The following DYRK1A variants were observed in gnomAD, a reference collection of about 807,000 sequenced individuals.
DYRK1A encodes dual specificity tyrosine phosphorylation regulated kinase 1A.
In DYRK1A, 9 loss-of-function variants were observed where a neutral mutation model predicts 79.7. The ratio of observed to expected loss-of-function variants is 0.11; its 90% CI spans 0.07 to 0.20. The LOEUF (loss-of-function observed/expected upper bound fraction) is 0.20, where lower values mean the gene tolerates loss of function less well. Ranked by LOEUF, DYRK1A falls within the 10% of genes least tolerant of loss-of-function variation. The pLI, the probability that DYRK1A is intolerant of heterozygous loss-of-function variation, is 1.00. For synonymous variants in DYRK1A, 349 were observed against 329.7 expected, an observed-to-expected ratio of 1.06 and a Z score of -0.63; for missense variants, 622 against 956.0, an observed-to-expected ratio of 0.65 and a Z score of 4.61.
At chr21:37,449,609 G>A (rs112387139) in intron 2 of DYRK1A, among the ~76,000 whole-genome samples, 3 of 152,026 alleles carry the variant, frequency 2.0e-5, no homozygotes, top group African/African-American at 7.2e-5. Context: ...GTTGACTCAG[G>A]GAAAAAAATG....
intron 2 of DYRK1A, among the ~76,000 whole-genome samples, chr21:37,439,301 T>G (rs2051019101): frequency 6.6e-6 from 1 of 152,228 alleles, no homozygotes; most frequent in South Asian, 2.1e-4. Flanking sequence ...CGTTCTACAT[T>G]GGCTCCAACC....
chr21:37,500,344 C>A (rs145466580), intron 9 of DYRK1A, among the ~76,000 whole-genome samples: 190 of 152,136 alleles, frequency 1.2e-3, no homozygotes, highest in African/African-American at 4.2e-3. Context: ...TATACTATTC[C>A]CTTATATATA....
intron 9 of DYRK1A, 55 bp downstream of exon 9, chr21:37,496,313 G>A (rs2053268002): frequency 6.5e-7 from 1 of 1,532,540 alleles, no homozygotes; most frequent in African/African-American, 1.4e-5. Flanking sequence ...TATCATACCT[G>A]TCTTTTTATA....
At chr21:37,458,669 A>C (rs745406494) in intron 2 of DYRK1A, among the ~76,000 whole-genome samples, 73 of 152,148 alleles carry the variant, frequency 4.8e-4, no homozygotes, top group Non-Finnish European at 9.1e-4. Flanking sequence ...GTCCTAGCCT[A>C]ATGTCTGTCT....
At chr21:37,376,880 C>T (rs910551848) in intron 1 of DYRK1A, among the ~76,000 whole-genome samples, 4 of 152,124 alleles carry the variant, frequency 2.6e-5, no homozygotes, top group East Asian at 1.9e-4. Flanking sequence ...TCTCATGTTC[C>T]ATAATAATAA....
intron 2 of DYRK1A, among the ~76,000 whole-genome samples, chr21:37,437,719 T>C (rs1347848853): frequency 1.3e-5 from 2 of 152,314 alleles, no homozygotes; most frequent in South Asian, 4.1e-4. Context: ...TAGTATTTCA[T>C]TGTGTGTATA....
chr21:37,369,393 A>G (rs750596678), intron 1 of DYRK1A, among the ~76,000 whole-genome samples: 2 of 152,218 alleles, frequency 1.3e-5, no homozygotes, highest in Non-Finnish European at 2.9e-5. Flanking sequence ...ACTGGTTATG[A>G]AAAAAGCTTA....
intron 2 of DYRK1A, among the ~76,000 whole-genome samples, chr21:37,468,074 G>A (rs1182678516): frequency 6.6e-6 from 1 of 152,060 alleles, no homozygotes; most frequent in Non-Finnish European, 1.5e-5. Context: ...GATTTGATGA[G>A]GTGAATCAGG....
chr21:37,491,825 CATT>C (rs2053106908), intron 7 of DYRK1A, among the ~76,000 whole-genome samples: 1 of 152,148 alleles, frequency 6.6e-6, no homozygotes, highest in South Asian at 2.1e-4. Flanking sequence ...TAATATTAAA[CATT>C]ATTATTTCTG....
chr21:37,431,686 C>A (rs1043062015), intron 2 of DYRK1A, among the ~76,000 whole-genome samples: 1 of 152,164 alleles, frequency 6.6e-6, no homozygotes, highest in Non-Finnish European at 1.5e-5. Flanking sequence ...TCATAATGTT[C>A]ATTTTTTTAA....
In DYRK1A at chr21:37,478,392, C is replaced by A. The variant is rs574223476; in HGVS notation, c.300+92C>A. On this transcript the variant is annotated intron_variant, in intron 4 of 11. Coordinates refer to ENST00000647188, the MANE Select transcript of DYRK1A (RefSeq NM_001347721.2). The stretch of plus-strand genomic sequence containing the variant: ...ATTTACCCTAAACTTTTTTTTCATT[C>A]CTAGTAGTTGTCATATTGATGATTA... 6.6e-4 allele frequency: 686 copies of A among 1,034,588 alleles called. 1 individual carries two copies. The highest frequency in any genetic ancestry group is 9.2e-4 in the Non-Finnish European group (656 of 711,680). 64.1% of individuals were successfully genotyped at this position (1,034,588 alleles called of 1,614,324 possible).
In DYRK1A at chr21:37,525,543, C is replaced by G. The variant is rs938996940; in HGVS notation, c.*13012C>G. On this transcript the variant is annotated 3_prime_UTR_variant, in exon 12 of 12. Coordinates refer to ENST00000647188, the MANE Select transcript of DYRK1A (RefSeq NM_001347721.2). The stretch of plus-strand genomic sequence containing the variant: ...GAGATTTGGGTGGGGACACAGCTAA[C>G]TCATATCAGTGTGGAATAGAAAATG... 1.8e-4 allele frequency: 27 copies of G among 152,202 alleles called. No homozygotes were observed. Among genetic ancestry groups the G allele is most frequent in the African/African-American group, 6.3e-4 (26 of 41,446 alleles). The allele number at this position is 152,202 out of a possible 1,614,324, so 9.4% of individuals were successfully genotyped here.
intron 1 of DYRK1A, among the ~76,000 whole-genome samples, chr21:37,373,628 C>G (rs770008286): frequency 2.0e-5 from 3 of 152,216 alleles, no homozygotes; most frequent in African/African-American, 7.2e-5. Context: ...GGCAGTTTCT[C>G]ACTACATCCA....
intron 2 of DYRK1A, among the ~76,000 whole-genome samples, chr21:37,434,077 T>A (rs538435083): frequency 5.9e-5 from 9 of 152,020 alleles, no homozygotes; most frequent in East Asian, 5.8e-4. Flanking sequence ...CAGGTGTGGG[T>A]GATGGGTGCT....
At chr21:37,492,982 C>G in intron 7 of DYRK1A, 35 bp from the exon 8 acceptor site, 1 of 1,526,864 alleles carries the variant, frequency 6.5e-7, no homozygotes. Context: ...CAGTTTTAAG[C>G]AATTGAAGTA....
At chr21:37,405,870 A>G (rs1401304668) in intron 1 of DYRK1A, among the ~76,000 whole-genome samples, 3 of 152,172 alleles carry the variant, frequency 2.0e-5, no homozygotes, top group African/African-American at 7.2e-5. Context: ...GACGTCATCC[A>G]GTGTCATGGC....
intron 1 of DYRK1A, among the ~76,000 whole-genome samples, chr21:37,410,124 G>C (rs1448391459): frequency 6.6e-6 from 1 of 152,196 alleles, no homozygotes; most frequent in Non-Finnish European, 1.5e-5. Context: ...TGCTTAAATA[G>C]ACTGTGTACG....
At chr21:37,485,673 G>A (rs2052833731) in intron 5 of DYRK1A, among the ~76,000 whole-genome samples, 1 of 152,110 alleles carries the variant, frequency 6.6e-6, no homozygotes, top group South Asian at 2.1e-4. Context: ...AGTTGTAATG[G>A]TTGTCACTGG....
rs2053825848 is a variant in DYRK1A at position 37,513,694 on chromosome 21, A to G, written c.*1163A>G. On this transcript the variant is annotated 3_prime_UTR_variant, in exon 12 of 12. Coordinates refer to ENST00000647188, the MANE Select transcript of DYRK1A (RefSeq NM_001347721.2). ...GTGGTATCTCCACCATTTCTTCTGC[A>G]CAAAGATGTCTTCTGTTCATCCTGA... 6.6e-6 allele frequency: 1 copy of G among 152,648 alleles called. No homozygotes were observed. Among genetic ancestry groups the G allele is most frequent in the Admixed American group, 6.5e-5 (1 of 15,286 alleles). The allele number at this position is 152,648 out of a possible 1,614,324, so 9.5% of individuals were successfully genotyped here. A position where few individuals can be genotyped will look rare whatever the true frequency, so the allele number is the denominator to read the frequency against.
Sources: gnomAD v4.1 joint callset for allele counts (sites outside exome capture counted in the v4.1 genomes callset) on GRCh38, gnomAD v4.1.1 for gene constraint, MANE v1.5 for transcripts, NCBI Gene and HGNC (gene_info 2026-07-23, HGNC 2026-07-21) for gene names.